C2orf76: variants seen among roughly 807,000 people sequenced by gnomAD.
C2orf76 encodes chromosome 2 open reading frame 76.
C2orf76 carries 23 observed loss-of-function variants against 16.9 expected under a neutral mutation model. The ratio of observed to expected loss-of-function variants is 1.36; its 90% CI spans 0.98 to 1.93. The LOEUF is 1.93. Ranked by LOEUF, C2orf76 falls within the 30% of genes most tolerant of loss-of-function variation. C2orf76 has a pLI of 0.00. For synonymous variants in C2orf76, 48 were observed against 52.3 expected (o/e 0.92, Z 0.35); for missense variants, 152 against 152.6 (o/e 1.00, Z 0.02).
chr2:119,340,942 C>T (rs1432024962), intron 1 of C2orf76, among the ~76,000 whole-genome samples: 2 of 151,818 alleles, frequency 1.3e-5, no homozygotes, highest in Non-Finnish European at 2.9e-5. Flanking sequence ...TGCTACACTA[C>T]CCTGTCAAAT....
chr2:119,307,222 T>C (rs554881214), intron 5 of C2orf76, among the ~76,000 whole-genome samples: 24 of 151,884 alleles, frequency 1.6e-4, no homozygotes, highest in Non-Finnish European at 2.9e-4. Flanking sequence ...GGCAGATCAC[T>C]TGAAGTCAGG....
intron 3 of C2orf76, 64 bp downstream of exon 3, chr2:119,321,090 G>T: frequency 2.3e-6 from 2 of 883,702 alleles, no homozygotes; most frequent in Non-Finnish European, 1.6e-6. Context: ...CAAAATTTAA[G>T]TTTGTAACAA....
intron 1 of C2orf76, among the ~76,000 whole-genome samples, chr2:119,359,495 A>C (rs955382706): frequency 2.0e-5 from 3 of 152,254 alleles, no homozygotes; most frequent in African/African-American, 7.2e-5. Context: ...CCTTCTGGAA[A>C]GGATTCACCA....
chr2:119,300,297 C>T (rs1228401647), downstream of C2orf76, among the ~76,000 whole-genome samples: 1 of 152,250 alleles, frequency 6.6e-6, no homozygotes, highest in East Asian at 1.9e-4. Context: ...TCCTCTTCCC[C>T]TCGGCCCCTG....
At position 119,345,715 on chromosome 2, in the gene C2orf76, G is replaced by A. The variant is rs146657516; in HGVS notation, c.-12-5744C>T. 9.4e-4 allele frequency among the ~76,000 whole-genome samples: 143 copies of A among 151,888 alleles called. 2 individuals carry two copies. The East Asian group carries it at 0.023, about 25-fold the overall frequency. On this transcript the variant is annotated intron_variant, in intron 1 of 5. Coordinates refer to ENST00000334816, the MANE Select transcript of C2orf76 (RefSeq NM_001322331.2). ...AGTATTTCAGCGTTATCAAATAGCT[G>A]ATGAAAAAAAGTTTCTTCTTTATAG...
the C2orf76 span, among the ~76,000 whole-genome samples, chr2:119,291,017 C>A: frequency 6.6e-5 from 10 of 151,902 alleles, no homozygotes; most frequent in South Asian, 2.1e-4. Flanking sequence ...CTGACACCGG[C>A]TCGGCCTCAT....
chr2:119,354,756 G>C (rs1280923196), intron 1 of C2orf76, among the ~76,000 whole-genome samples: 1 of 152,092 alleles, frequency 6.6e-6, no homozygotes, highest in Non-Finnish European at 1.5e-5. Flanking sequence ...TTCAACCTCA[G>C]CCATTTTTTA....
chr2:119,364,039 GAGAC>G (rs57921997), intron 1 of C2orf76, among the ~76,000 whole-genome samples: 64 of 147,680 alleles, frequency 4.3e-4, no homozygotes, highest in Middle Eastern at 6.8e-3. Flanking sequence ...GAGAGAGAGA[GAGAC>G]AGACAGACAG....
At chr2:119,340,524 C>G (rs1679991489) in intron 1 of C2orf76, among the ~76,000 whole-genome samples, 2 of 152,132 alleles carry the variant, frequency 1.3e-5, no homozygotes, top group African/African-American at 4.8e-5. Context: ...AAACTAAGTA[C>G]TAGGCACATG....
chr2:119,350,089 C>G (rs1680348224), intron 1 of C2orf76, among the ~76,000 whole-genome samples: 2 of 143,572 alleles, frequency 1.4e-5, no homozygotes, highest in Admixed American at 7.0e-5. Flanking sequence ...CCCCCACCGT[C>G]CCGCGTAAGT....
At chr2:119,333,953 G>GTTCTTTTT (rs1291712551) in intron 2 of C2orf76, among the ~76,000 whole-genome samples, 5 of 152,028 alleles carry the variant, frequency 3.3e-5, no homozygotes, top group African/African-American at 1.2e-4. Context: ...ATGTTTCTCT[G>GTTCTTTTT]TTCTTTTTTT....
At chr2:119,291,586 T>G in the C2orf76 span, among the ~76,000 whole-genome samples, 1 of 151,596 alleles carries the variant, frequency 6.6e-6, no homozygotes, top group Non-Finnish European at 1.5e-5. Flanking sequence ...GAAGAGAAGG[T>G]TCTTGGAAAA....
intron 2 of C2orf76, among the ~76,000 whole-genome samples, chr2:119,327,084 G>A (rs549134793): frequency 1.8e-4 from 27 of 152,232 alleles, no homozygotes; most frequent in African/African-American, 5.3e-4. Flanking sequence ...TAGAACTCCA[G>A]TACAATGTTG....
At chr2:119,350,536 A>T (rs1315765734) in intron 1 of C2orf76, among the ~76,000 whole-genome samples, 1 of 152,212 alleles carries the variant, frequency 6.6e-6, no homozygotes, top group Non-Finnish European at 1.5e-5. Flanking sequence ...CTTCCATAGG[A>T]ACTGCCTTGC....
the C2orf76 span, among the ~76,000 whole-genome samples, chr2:119,295,708 T>G: frequency 6.6e-6 from 1 of 152,206 alleles, no homozygotes; most frequent in Admixed American, 6.5e-5. Context: ...TAAGGCAGCA[T>G]TCCCAAAACG....
chr2:119,285,681 C>G, the C2orf76 span, among the ~76,000 whole-genome samples: 1 of 152,212 alleles, frequency 6.6e-6, no homozygotes, highest in Non-Finnish European at 1.5e-5. Flanking sequence ...TCTCATCAAG[C>G]AATTTGGGCA....
intron 3 of C2orf76, among the ~76,000 whole-genome samples, chr2:119,320,558 T>C (rs1430962313): frequency 6.6e-6 from 1 of 151,858 alleles, no homozygotes. Flanking sequence ...AGTTGTTCTA[T>C]CAAATGAGAA....
At chr2:119,303,368 A>T (rs1678676695) in intron 5 of C2orf76, among the ~76,000 whole-genome samples, 1 of 152,242 alleles carries the variant, frequency 6.6e-6, no homozygotes, top group Non-Finnish European at 1.5e-5. Flanking sequence ...TGTGCCAACA[A>T]GTTCCACATT....
intron 2 of C2orf76, among the ~76,000 whole-genome samples, chr2:119,332,983 T>A (rs1679723956): frequency 6.6e-6 from 1 of 152,226 alleles, no homozygotes; most frequent in Non-Finnish European, 1.5e-5. Context: ...TCCTCCCGCT[T>A]TGGCCTCCCA....
Sources: gnomAD v4.1 joint callset for allele counts (sites outside exome capture counted in the v4.1 genomes callset) on GRCh38, gnomAD v4.1.1 for gene constraint, MANE v1.5 for transcripts, NCBI Gene and HGNC (gene_info 2026-07-23, HGNC 2026-07-21) for gene names.